NTRK2: variants seen among roughly 807,000 people sequenced by gnomAD.
NTRK2 encodes neurotrophic receptor tyrosine kinase 2, also known as BDNF/NT-3 growth factors receptor.
In NTRK2, 13 loss-of-function variants were observed where a neutral mutation model predicts 94.5. That is an observed-to-expected ratio of 0.14 (90% CI 0.09 to 0.22). The LOEUF (loss-of-function observed/expected upper bound fraction) is 0.22, where lower values mean the gene tolerates loss of function less well. Ranked by LOEUF, NTRK2 falls within the 10% of genes least tolerant of loss-of-function variation. The pLI is 1.00. For synonymous variants in NTRK2, 372 were observed against 407.4 expected (o/e 0.91, Z 1.05); for missense variants, 639 against 1,071.2 (o/e 0.60, Z 5.63).
intron 2 of NTRK2, among the ~76,000 whole-genome samples, chr9:84,687,200 T>C (rs67624169): frequency 0.087 from 13,291 of 152,156 alleles, 710 homozygotes; most frequent in African/African-American, 0.14. Context: ...CAGGTGTAAG[T>C]CACTGTGCCT....
intron 9 of NTRK2, among the ~76,000 whole-genome samples, chr9:84,737,177 A>T (rs1278411286): frequency 1.3e-5 from 2 of 152,190 alleles, no homozygotes; most frequent in Non-Finnish European, 2.9e-5. Context: ...AAGGAAACAG[A>T]TGTGTCTTCC....
chr9:84,930,529 G>C (rs1014518033), intron 14 of NTRK2, among the ~76,000 whole-genome samples: 1 of 152,208 alleles, frequency 6.6e-6, no homozygotes, highest in Non-Finnish European at 1.5e-5. Context: ...AGTACCAGGG[G>C]ATGAGGGATA....
At chr9:84,706,440 C>T (rs2061066983) in intron 4 of NTRK2, among the ~76,000 whole-genome samples, 1 of 151,832 alleles carries the variant, frequency 6.6e-6, no homozygotes, top group South Asian at 2.1e-4. Flanking sequence ...GTGATGACTT[C>T]CTTGGGCTGA....
chr9:84,681,134 T>G (rs1280586151), intron 2 of NTRK2, among the ~76,000 whole-genome samples: 1 of 152,228 alleles, frequency 6.6e-6, no homozygotes, highest in African/African-American at 2.4e-5. Context: ...GTGCTAATGA[T>G]GTCCTAATCT....
intron 12 of NTRK2, among the ~76,000 whole-genome samples, chr9:84,801,384 A>C (rs2070430779): frequency 6.6e-6 from 1 of 152,196 alleles, no homozygotes; most frequent in Admixed American, 6.5e-5. Context: ...TAAAATTCAA[A>C]TTCCAGTGGT....
rs1588220191 is a variant in NTRK2 at position 85,026,842 on chromosome 9, T to C, written c.*5405T>C. ...TCTCTGTGCTAATACTTACCAGTTC[T>C]TGTTTTGCAATCTGTTTTGAGGTCC... On this transcript the variant is annotated 3_prime_UTR_variant, in exon 19 of 19. Coordinates refer to ENST00000277120, the MANE Select transcript of NTRK2 (RefSeq NM_006180.6). 3 of 233,080 alleles carry C rather than the reference T, an allele frequency of 1.3e-5. No homozygotes were observed. The East Asian group carries it at 1.8e-4, about 14-fold the overall frequency. The allele number at this position is 233,080 out of a possible 1,614,324, so 14.4% of individuals were successfully genotyped here.
chr9:84,735,088 G>A (rs1052519294), intron 9 of NTRK2, among the ~76,000 whole-genome samples: 5 of 152,018 alleles, frequency 3.3e-5, no homozygotes, highest in African/African-American at 9.7e-5. Flanking sequence ...ATTACTTTGT[G>A]TTTCATTAAA....
intron 2 of NTRK2, among the ~76,000 whole-genome samples, chr9:84,685,890 A>G (rs530481253): frequency 3.3e-5 from 5 of 152,288 alleles, no homozygotes; most frequent in African/African-American, 1.2e-4. Flanking sequence ...GTCTGTACAC[A>G]CCGTTAGGAC....
chr9:84,911,358 G>T (rs1024146844), intron 14 of NTRK2, among the ~76,000 whole-genome samples: 1 of 152,150 alleles, frequency 6.6e-6, no homozygotes, highest in Non-Finnish European at 1.5e-5. Flanking sequence ...GAATTGGGAT[G>T]AAATTTTTAA....
At chr9:84,989,761 T>G (rs538764559) in intron 17 of NTRK2, among the ~76,000 whole-genome samples, 3 of 152,222 alleles carry the variant, frequency 2.0e-5, no homozygotes, top group African/African-American at 7.2e-5. Flanking sequence ...AAGCCATTGC[T>G]TTGAAAATGT....
At chr9:84,818,986 T>C (rs563163087) in intron 12 of NTRK2, among the ~76,000 whole-genome samples, 1 of 152,310 alleles carries the variant, frequency 6.6e-6, no homozygotes, top group African/African-American at 2.4e-5. Context: ...TGAGAGAGAC[T>C]GCTGAGGGCA....
intron 12 of NTRK2, among the ~76,000 whole-genome samples, chr9:84,838,576 AC>A (rs1386421772): frequency 6.6e-6 from 1 of 152,124 alleles, no homozygotes; most frequent in Non-Finnish European, 1.5e-5. Context: ...CTTTATACTT[AC>A]CGCATTTTCC....
intron 2 of NTRK2, among the ~76,000 whole-genome samples, chr9:84,692,936 T>C (rs778980562): frequency 6.6e-6 from 1 of 152,150 alleles, no homozygotes; most frequent in Non-Finnish European, 1.5e-5. Context: ...ATAAAATCTT[T>C]CCATGGGCCA....
intron 17 of NTRK2, among the ~76,000 whole-genome samples, chr9:84,983,380 A>G (rs1321571846): frequency 2.0e-5 from 3 of 152,214 alleles, no homozygotes; most frequent in Non-Finnish European, 4.4e-5. Context: ...GAAGGACAGC[A>G]GTCAAGGCTT....
chr9:84,959,383 T>C (rs1013161877), intron 17 of NTRK2, among the ~76,000 whole-genome samples: 2 of 152,204 alleles, frequency 1.3e-5, no homozygotes, highest in African/African-American at 4.8e-5. Flanking sequence ...GCATAAAATG[T>C]TCCTTATCTT....
chr9:84,948,313 T>C, intron 15 of NTRK2, 149 bp from the exon 16 acceptor site: 1 of 807,662 alleles, frequency 1.2e-6, no homozygotes, highest in Non-Finnish European at 2.1e-6. Context: ...GCCTAAGGAG[T>C]TATTCCTCAG....
In NTRK2 at chr9:84,894,185, A is replaced by AGGG. The variant is rs1291296307; in HGVS notation, c.1633+26754_1633+26755insGGG. The stretch of plus-strand genomic sequence containing the variant: ...ATTTGGGAGAATATATTTTTATAAC[A>AGGG]CATTGAATAGTCCTCATTGCACACC... On this transcript the variant is annotated intron_variant, in intron 14 of 18. Coordinates refer to ENST00000277120, the MANE Select transcript of NTRK2 (RefSeq NM_006180.6). Among the ~76,000 whole-genome samples, 1,091 of 146,812 alleles carry AGGG rather than the reference A, an allele frequency of 7.4e-3. 17 individuals are homozygous for AGGG. Among genetic ancestry groups the AGGG allele is most frequent in the African/African-American group, 0.022 (852 of 39,342 alleles).
rs762472688 is a variant in NTRK2, at chr9:84,702,411, G to A, written c.351G>A (p.Leu117=). 4 of 1,613,420 alleles carry A rather than the reference G, an allele frequency of 2.5e-6. No homozygotes were observed. Among genetic ancestry groups the A allele is most frequent in the Non-Finnish European group, 3.4e-6 (4 of 1,179,342 alleles). The change falls in exon 4 of 19, where the codon CTG becomes CTA. Residue 117 remains leucine, a synonymous_variant. Transcript: ENST00000277120. Reference sequence around the variant, plus strand: ...AAGCATTTCTGAAAAACAGCAACCTGCAGCACATGTAAGTAGAGATTGATT... The same window carrying A: ...AAGCATTTCTGAAAAACAGCAACCTACAGCACATGTAAGTAGAGATTGATT... ...AHKAFLKNSN[L]QHINFTRNKL...
At chr9:84,760,422 A>C (rs1478669246) in intron 12 of NTRK2, among the ~76,000 whole-genome samples, 1 of 152,178 alleles carries the variant, frequency 6.6e-6, no homozygotes, top group Non-Finnish European at 1.5e-5. Context: ...AATGCAGAAA[A>C]ATGTCGCAAA....
Sources: gnomAD v4.1 joint callset for allele counts (sites outside exome capture counted in the v4.1 genomes callset) on GRCh38, gnomAD v4.1.1 for gene constraint, MANE v1.5 for transcripts, NCBI Gene and HGNC (gene_info 2026-07-23, HGNC 2026-07-21) for gene names.